The following RUNX1 variants were observed in gnomAD, a reference collection of about 807,000 sequenced individuals.
The protein encoded by RUNX1 is runt-related transcription factor 1.
A neutral mutation model predicts 42.8 loss-of-function variants in RUNX1; 19 were observed. The observed-to-expected ratio is 0.44, with a 90% CI of 0.31 to 0.65. The LOEUF (loss-of-function observed/expected upper bound fraction) is 0.65, where lower values mean the gene tolerates loss of function less well. Among genes scored for constraint, RUNX1 ranks in the 30% least tolerant of loss-of-function variants. RUNX1 has a pLI of 0.07. For synonymous variants in RUNX1, 271 were observed against 289.4 expected, an observed-to-expected ratio of 0.94 and a Z score of 0.64; for missense variants, 528 against 672.0, an observed-to-expected ratio of 0.79 and a Z score of 2.37.
rs2146127101 is a variant in RUNX1 at position 34,843,237 on chromosome 21, G to A, written c.614-8636C>T. Among the ~76,000 whole-genome samples, 1 of 151,398 alleles carries A rather than the reference G, an allele frequency of 6.6e-6. No individual in the cohort carries two copies. Among genetic ancestry groups the A allele is most frequent in the Non-Finnish European group, 1.5e-5 (1 of 67,782 alleles). ...ACACACAGATATAAAACACACATGG[G>A]GATACACACATATAAATACACACAG... On this transcript the variant is annotated intron_variant, in intron 6 of 8. Coordinates refer to ENST00000675419, the MANE Select transcript of RUNX1 (RefSeq NM_001754.5). The surrounding 1 kb of genome is among the most constrained non-coding windows in gnomAD (Gnocchi z 4.8).
chr21:34,892,525 CTT>C (rs934962799), intron 3 of RUNX1, among the ~76,000 whole-genome samples: 2 of 152,092 alleles, frequency 1.3e-5, no homozygotes, highest in African/African-American at 4.8e-5. Context: ...TAAAATTAAT[CTT>C]TTTAAAATTT....
intron 2 of RUNX1, among the ~76,000 whole-genome samples, chr21:35,030,681 A>G (rs1316467409): frequency 6.6e-6 from 1 of 152,310 alleles, no homozygotes; most frequent in East Asian, 1.9e-4. Context: ...TTTTTTGAAT[A>G]TGATCTCAAA....
At chr21:34,845,775 G>A (rs923530889) in intron 6 of RUNX1, among the ~76,000 whole-genome samples, 6 of 151,694 alleles carry the variant, frequency 4.0e-5, no homozygotes, top group South Asian at 2.1e-4. Context: ...CAGCTGCAGC[G>A]GAGAGATATA....
At chr21:34,966,002 C>A (rs963991049) in intron 2 of RUNX1, among the ~76,000 whole-genome samples, 2 of 152,136 alleles carry the variant, frequency 1.3e-5, no homozygotes, top group Admixed American at 6.5e-5. Context: ...CTCGATGGAG[C>A]AGTCCCCTCC....
chr21:34,909,475 A>C (rs1428405281), intron 2 of RUNX1, among the ~76,000 whole-genome samples: 1 of 151,574 alleles, frequency 6.6e-6, no homozygotes, highest in Non-Finnish European at 1.5e-5. Context: ...GGGATAGATG[A>C]AGAAGGTGGT....
intron 2 of RUNX1, among the ~76,000 whole-genome samples, chr21:34,965,784 C>CATCTAG (rs2058714501): frequency 6.6e-6 from 1 of 152,194 alleles, no homozygotes; most frequent in Admixed American, 6.5e-5. Flanking sequence ...AAATCTAGGG[C>CATCTAG]ATTTCCGAAT....
intron 2 of RUNX1, among the ~76,000 whole-genome samples, chr21:34,918,030 A>T (rs2058324971): frequency 6.6e-6 from 1 of 151,252 alleles, no homozygotes; most frequent in Non-Finnish European, 1.5e-5. Flanking sequence ...TCAGGGGGCT[A>T]AGGCAGATAA....
At chr21:34,949,576 TTAC>T (rs1353315417) in intron 2 of RUNX1, among the ~76,000 whole-genome samples, 1 of 152,244 alleles carries the variant, frequency 6.6e-6, no homozygotes. Flanking sequence ...AGAACTTTGC[TTAC>T]TACATTGGCC....
At chr21:35,044,247 T>C (rs879527681) in intron 2 of RUNX1, among the ~76,000 whole-genome samples, 6 of 152,154 alleles carry the variant, frequency 3.9e-5, no homozygotes, top group Non-Finnish European at 7.4e-5. Flanking sequence ...CACTCTTCCT[T>C]CTTTCCTTTG....
At position 34,791,404 on chromosome 21, in the gene RUNX1, T is replaced by TA. The variant is rs11424730; in HGVS notation, c.*730dup. On this transcript the variant is annotated 3_prime_UTR_variant, in exon 9 of 9. Coordinates refer to ENST00000675419, the MANE Select transcript of RUNX1 (RefSeq NM_001754.5). ...GGATTCCTTGTGGGAATACAGTAGT[T>TA]AAAAATGACCCAAAGCTGTAGCTGT... 0.011 allele frequency: 2,645 copies of TA among 231,586 alleles called. 19 individuals carry two copies. Among genetic ancestry groups the TA allele is most frequent in the African/African-American group, 0.024 (1,099 of 45,062 alleles). 14.3% of individuals were successfully genotyped at this position (231,586 alleles called of 1,614,324 possible).
At chr21:34,956,230 T>C (rs1016199443) in intron 2 of RUNX1, among the ~76,000 whole-genome samples, 1 of 152,146 alleles carries the variant, frequency 6.6e-6, no homozygotes, top group Non-Finnish European at 1.5e-5. Flanking sequence ...TGCCCAGCTT[T>C]AACTGTGTGA....
At chr21:34,913,914 T>C (rs942929410) in intron 2 of RUNX1, among the ~76,000 whole-genome samples, 1 of 152,208 alleles carries the variant, frequency 6.6e-6, no homozygotes, top group African/African-American at 2.4e-5. Context: ...TCTAAAAATC[T>C]AAACCATATG....
chr21:34,828,093 C>A (rs573325836), intron 7 of RUNX1, among the ~76,000 whole-genome samples: 12 of 152,212 alleles, frequency 7.9e-5, no homozygotes, highest in Admixed American at 6.5e-4. Flanking sequence ...AAGACTTCAA[C>A]GTGAGAGAGG....
At position 34,856,877 on chromosome 21, in the gene RUNX1, TCCTC is replaced by T. The variant is rs1432801998; in HGVS notation, c.613+2593_613+2596del. Among the ~76,000 whole-genome samples the T allele has an allele frequency of 3.7e-3, 570 of 152,284 alleles. 3 individuals carry two copies. The highest frequency in any genetic ancestry group is 0.013 in the African/African-American group (550 of 41,546). On this transcript the variant is annotated intron_variant, in intron 6 of 8. Coordinates refer to ENST00000675419, the MANE Select transcript of RUNX1 (RefSeq NM_001754.5). ...TGGGCATCCTGATTTACATGCAGTG[TCCTC>T]TCTTTATGTTACACTGGAAAGCAAC...
At chr21:34,980,560 A>C (rs2146788132) in intron 2 of RUNX1, among the ~76,000 whole-genome samples, 1 of 152,358 alleles carries the variant, frequency 6.6e-6, no homozygotes, top group African/African-American at 2.4e-5. Context: ...ACACGAATTA[A>C]AAATCAGTTG....
chr21:34,936,636 CA>C (rs1286227280), intron 2 of RUNX1, among the ~76,000 whole-genome samples: 2 of 152,106 alleles, frequency 1.3e-5, no homozygotes, highest in African/African-American at 2.4e-5. Context: ...ATGCACAAAG[CA>C]AAAGAAAGTC....
intron 5 of RUNX1, among the ~76,000 whole-genome samples, chr21:34,868,506 T>C (rs1601490585): frequency 6.6e-6 from 1 of 152,164 alleles, no homozygotes; most frequent in East Asian, 1.9e-4. Flanking sequence ...CACTGGAGCA[T>C]CTCTCAGCTC....
At chr21:34,952,065 T>C (rs146948337) in intron 2 of RUNX1, among the ~76,000 whole-genome samples, 8 of 152,202 alleles carry the variant, frequency 5.3e-5, no homozygotes, top group Non-Finnish European at 1.0e-4. Flanking sequence ...GATGAGTTCA[T>C]GTCCTTTGCA....
rs1480287882 is a variant in RUNX1, at chr21:34,882,250, C to CCTTT, written c.352-1541_352-1538dup. Among the ~76,000 whole-genome samples the CCTTT allele has an allele frequency of 2.0e-5, 3 of 152,178 alleles. No individual in the cohort carries two copies. In the East Asian group the frequency reaches 5.8e-4, roughly 29 times the overall value. ...TTTTCATGATCTGCTTAGCCATCAC[C>CCTTT]CTTTCCCTGTGGCCTCCAGATGACT... On this transcript the variant is annotated intron_variant, in intron 4 of 8. Coordinates refer to ENST00000675419, the MANE Select transcript of RUNX1 (RefSeq NM_001754.5).
Sources: allele counts gnomAD v4.1 joint callset (sites outside exome capture counted in the v4.1 genomes callset), GRCh38; gene constraint gnomAD v4.1.1; non-coding constraint Gnocchi (gnomAD v3.1); transcripts MANE v1.5; gene names NCBI Gene and HGNC (gene_info 2026-07-23, HGNC 2026-07-21).